DOCK2: variants seen among roughly 807,000 people sequenced by gnomAD.
DOCK2 encodes dedicator of cytokinesis protein 2.
Under a neutral mutation model 248.9 loss-of-function variants are expected in DOCK2, and 87 were observed. That is an observed-to-expected ratio of 0.35 (90% confidence interval 0.29 to 0.42). DOCK2 has a LOEUF of 0.42. Ranked by LOEUF, DOCK2 falls within the 10% of genes least tolerant of loss-of-function variation. DOCK2 has a pLI of 1.00. For missense variants in DOCK2, 1,747 were observed against 2,300.2 expected, an observed-to-expected ratio of 0.76 and a Z score of 4.92; for synonymous variants, 805 against 821.6, an observed-to-expected ratio of 0.98 and a Z score of 0.35.
chr5:169,876,692 C>G (rs147747544), intron 27 of DOCK2, among the ~76,000 whole-genome samples: 5 of 152,214 alleles, frequency 3.3e-5, no homozygotes, highest in African/African-American at 1.2e-4. Flanking sequence ...CTTAAAAAGA[C>G]CCATTGAGAA....
intron 11 of DOCK2, among the ~76,000 whole-genome samples, chr5:169,699,122 G>A (rs550560914): frequency 6.6e-6 from 1 of 152,282 alleles, no homozygotes; most frequent in East Asian, 1.9e-4. Context: ...TGAAAGCTTT[G>A]GAATCCTACC....
At chr5:169,674,988 A>T (rs985494800) in intron 6 of DOCK2, among the ~76,000 whole-genome samples, 3 of 152,264 alleles carry the variant, frequency 2.0e-5, no homozygotes, top group African/African-American at 7.2e-5. Context: ...TGATAATAAC[A>T]TTATAAGTAA....
rs745515617 is a variant in DOCK2 at position 169,654,402 on chromosome 5, G to C, written c.44-1G>C. The C allele has an allele frequency of 6.2e-7, 1 of 1,614,170 alleles. No homozygotes were observed. Among genetic ancestry groups the C allele is most frequent in the Non-Finnish European group, 8.5e-7 (1 of 1,180,016 alleles). On this transcript the variant is annotated splice_acceptor_variant, in intron 1 of 51. Coordinates refer to ENST00000520908, the MANE Select transcript of DOCK2 (RefSeq NM_004946.3). LOFTEE classifies it high-confidence loss of function. The stretch of plus-strand genomic sequence containing the variant: ...TAGCTGTCTTTCTTTCTGTTTCACA[G>C]CCATATACAACTTCCAAGGCAGCGG...
chr5:169,680,866 A>G (rs765431856), intron 6 of DOCK2, among the ~76,000 whole-genome samples: 23 of 152,150 alleles, frequency 1.5e-4, no homozygotes, highest in Non-Finnish European at 2.9e-4. Context: ...TCTCTCATAC[A>G]TAAGCTTATT....
rs995887967 is a variant in DOCK2, at chr5:169,640,405, G to T, written c.43+3036G>T. Among the ~76,000 whole-genome samples the T allele has an allele frequency of 9.2e-5, 14 of 152,214 alleles. 1 individual carries two copies. The highest frequency in any genetic ancestry group is 2.9e-5 in the Non-Finnish European group (2 of 68,024). On this transcript the variant is annotated intron_variant, in intron 1 of 51. Transcript: ENST00000520908. ...AGTTATTCTTGTAGGGGAGGGAAAA[G>T]CTTCTTTCTGCTACTGCATCTTGGG...
intron 23 of DOCK2, among the ~76,000 whole-genome samples, chr5:169,756,716 A>C (rs2113723065): frequency 6.6e-6 from 1 of 152,300 alleles, no homozygotes; most frequent in East Asian, 1.9e-4. Context: ...ACTTGAGGTC[A>C]GGAGTTCAAG....
At chr5:169,973,655 A>T (rs1463483139) in intron 27 of DOCK2, among the ~76,000 whole-genome samples, 1 of 152,196 alleles carries the variant, frequency 6.6e-6, no homozygotes, top group Non-Finnish European at 1.5e-5. Context: ...GAGAAACTAG[A>T]TATATTTCCC....
At chr5:169,797,841 G>A (rs1345143498) in intron 25 of DOCK2, among the ~76,000 whole-genome samples, 1 of 152,186 alleles carries the variant, frequency 6.6e-6, no homozygotes, top group Non-Finnish European at 1.5e-5. Flanking sequence ...ATTTGGAAAT[G>A]CTGCTTCCTG....
chr5:169,880,872 A>G (rs1056795878), intron 27 of DOCK2, among the ~76,000 whole-genome samples: 4 of 152,222 alleles, frequency 2.6e-5, no homozygotes, highest in African/African-American at 7.2e-5. Flanking sequence ...AGGAAATGAC[A>G]TACTTAGAAA....
intron 27 of DOCK2, chr5:169,875,211 A>T (rs774203910): frequency 2.3e-4 from 104 of 456,550 alleles, no homozygotes; most frequent in African/African-American, 1.7e-3. Flanking sequence ...CTTTATTTGA[A>T]CCAACCATTC....
At chr5:170,049,679 C>T (rs1036666247) in intron 40 of DOCK2, among the ~76,000 whole-genome samples, 28 of 152,202 alleles carry the variant, frequency 1.8e-4, no homozygotes, top group African/African-American at 6.5e-4. Flanking sequence ...CCCGTAGGTT[C>T]TAGTAGCATC....
At chr5:170,002,159 G>A (rs182348434) in intron 30 of DOCK2, among the ~76,000 whole-genome samples, 22 of 151,678 alleles carry the variant, frequency 1.5e-4, no homozygotes, top group Middle Eastern at 6.8e-3. Context: ...CCGGTTCTAG[G>A]AATGTATACT....
rs771763924 is a variant in DOCK2, at chr5:170,077,760, A to G, written c.4917A>G (p.Ser1639=). ...GCCGTCCCAGGTCTATGCTGCGCTC[A>G]TACAGACAGATGTCCATCATCTCTC... ...RVGRPRSMLR[S]YRQMSIISLA... is the part of the protein sequence containing the mutation. Residue 1639 remains serine, a synonymous_variant, in exon 48 of 52, where the codon TCA becomes TCG. Transcript: ENST00000520908. 1.9e-5 allele frequency: 30 copies of G among 1,613,844 alleles called. No homozygotes were observed. The Admixed American group carries it at 4.8e-4, about 26-fold the overall frequency.
At chr5:169,714,593 T>A (rs908657658) in intron 19 of DOCK2, 136 bp downstream of exon 19, 27 of 895,076 alleles carry the variant, frequency 3.0e-5, no homozygotes, top group Admixed American at 5.5e-5. Context: ...CTCTCCCGAG[T>A]TGCCTTGAGG....
intron 8 of DOCK2, 142 bp downstream of exon 8, chr5:169,684,492 T>G (rs569363874): frequency 1.7e-5 from 20 of 1,189,978 alleles, no homozygotes; most frequent in African/African-American, 3.0e-5. Flanking sequence ...ATAACTTCTT[T>G]GGAGGTTGTA....
intron 22 of DOCK2, among the ~76,000 whole-genome samples, chr5:169,734,087 T>C (rs1420576605): frequency 6.6e-6 from 1 of 152,188 alleles, no homozygotes; most frequent in East Asian, 1.9e-4. Context: ...TTTTTTGTTT[T>C]CTCGGTTCAT....
chr5:169,786,240 G>C (rs746251980), intron 25 of DOCK2, among the ~76,000 whole-genome samples: 1 of 152,196 alleles, frequency 6.6e-6, no homozygotes, highest in Non-Finnish European at 1.5e-5. Flanking sequence ...TTTGGCTGGT[G>C]TTCTTTGTCT....
intron 26 of DOCK2, among the ~76,000 whole-genome samples, chr5:169,804,495 C>T (rs1239089421): frequency 5.6e-5 from 8 of 142,830 alleles, no homozygotes; most frequent in Admixed American, 1.4e-4. Context: ...TGCGCGCGCG[C>T]GTGCGCGTAA....
chr5:169,831,047 C>A (rs1769195047), intron 26 of DOCK2, among the ~76,000 whole-genome samples: 1 of 152,158 alleles, frequency 6.6e-6, no homozygotes, highest in Non-Finnish European at 1.5e-5. Context: ...AGAAAGAGTT[C>A]TATTTTCATT....
Sources: gnomAD v4.1 joint callset for allele counts (sites outside exome capture counted in the v4.1 genomes callset) on GRCh38, gnomAD v4.1.1 for gene constraint, MANE v1.5 for transcripts, NCBI Gene and HGNC (gene_info 2026-07-23, HGNC 2026-07-21) for gene names.